Variants in EDAR observed in about 807,000 individuals in gnomAD.
EDAR encodes ectodysplasin A receptor, also known as tumor necrosis factor receptor superfamily member EDAR.
EDAR carries 38 observed loss-of-function variants against 51.3 expected under a neutral mutation model. That is an observed-to-expected ratio of 0.74 (90% CI 0.57 to 0.97). EDAR has a LOEUF of 0.97. EDAR is among the 50% of genes least tolerant of loss of function. EDAR has a pLI of 0.00. For missense variants in EDAR, 528 were observed against 595.0 expected (o/e 0.89, Z 1.17); for synonymous variants, 227 against 242.1 (o/e 0.94, Z 0.58).
intron 10 of EDAR, 86 bp downstream of exon 10, chr2:108,907,774 G>C (rs977325940): frequency 1.3e-6 from 2 of 1,506,126 alleles, no homozygotes; most frequent in African/African-American, 2.7e-5. Context: ...TCTTGCAGGA[G>C]AGCTGATTCA....
chr2:108,965,988 T>C (rs1698145127), intron 1 of EDAR, among the ~76,000 whole-genome samples: 2 of 152,198 alleles, frequency 1.3e-5, no homozygotes, highest in Non-Finnish European at 2.9e-5. Flanking sequence ...GCCTTGTCCC[T>C]CATCTTTGAG....
At chr2:108,972,954 T>A (rs1399559953) in intron 1 of EDAR, among the ~76,000 whole-genome samples, 1 of 152,190 alleles carries the variant, frequency 6.6e-6, no homozygotes, top group Admixed American at 6.5e-5. Flanking sequence ...TAGGAAGAGG[T>A]CTCAGCAGGT....
intron 4 of EDAR, among the ~76,000 whole-genome samples, chr2:108,926,839 G>T (rs1161311335): frequency 6.6e-6 from 1 of 152,354 alleles, no homozygotes; most frequent in East Asian, 1.9e-4. Context: ...CAGCCTGACA[G>T]CCACTTGGAT....
chr2:108,980,191 G>C (rs1285913658), intron 1 of EDAR, among the ~76,000 whole-genome samples: 1 of 152,138 alleles, frequency 6.6e-6, no homozygotes, highest in African/African-American at 2.4e-5. Context: ...AAGGTCTCCT[G>C]GTTGTTCTTT....
chr2:108,930,548 G>A (rs1406737015), intron 2 of EDAR, among the ~76,000 whole-genome samples: 1 of 152,146 alleles, frequency 6.6e-6, no homozygotes, highest in African/African-American at 2.4e-5. Flanking sequence ...CAAGGTCATG[G>A]AGGAGGCGCC....
chr2:108,970,388 A>T (rs1339905633), intron 1 of EDAR, among the ~76,000 whole-genome samples: 1 of 152,188 alleles, frequency 6.6e-6, no homozygotes, highest in Non-Finnish European at 1.5e-5. Context: ...AGAACCTGGG[A>T]GCCCAGAGTT....
At chr2:108,927,815 G>C (rs1343323503) in intron 4 of EDAR, among the ~76,000 whole-genome samples, 2 of 152,024 alleles carry the variant, frequency 1.3e-5, no homozygotes, top group African/African-American at 2.4e-5. Context: ...TCCCCACCAA[G>C]CACCCTCTTG....
intron 1 of EDAR, among the ~76,000 whole-genome samples, chr2:108,973,178 G>C (rs1698265241): frequency 1.3e-5 from 2 of 152,176 alleles, no homozygotes; most frequent in African/African-American, 4.8e-5. Flanking sequence ...AGTAGAGATG[G>C]GGTTTCACCA....
chr2:108,930,192 G>C lies in EDAR; in HGVS notation c.102C>G (p.Asn34Lys). The C allele has an allele frequency of 6.2e-7, 1 of 1,614,082 alleles. No homozygotes were observed. The highest frequency in any genetic ancestry group is 8.5e-7 in the Non-Finnish European group (1 of 1,180,024). Residue 34 changes from asparagine (N) to lysine (K), a missense_variant, in exon 3 of 12, where the codon AAC (asparagine) becomes AAG (lysine). Coordinates refer to ENST00000258443, the MANE Select transcript of EDAR (RefSeq NM_022336.4). Reference protein sequence around the residue: ...ARAEYSNCGENEYYNQTTGLC... With the variant: ...ARAEYSNCGEKEYYNQTTGLC... The stretch of plus-strand genomic sequence containing the variant: ...GCCCCGTAGTCTGGTTGTAGTACTC[G>C]TTCTCACCGCAGTTTGAGTATTCCG...
At chr2:108,960,169 C>G (rs1387595063) in intron 1 of EDAR, among the ~76,000 whole-genome samples, 5 of 152,188 alleles carry the variant, frequency 3.3e-5, no homozygotes, top group African/African-American at 9.7e-5. Flanking sequence ...CTGGCTCAGT[C>G]TGGCCTGGGT....
intron 1 of EDAR, among the ~76,000 whole-genome samples, chr2:108,980,993 C>T (rs1454744430): frequency 1.3e-5 from 2 of 152,048 alleles, no homozygotes; most frequent in Non-Finnish European, 2.9e-5. Flanking sequence ...GGAATGACTG[C>T]CAGGCAGAGG....
chr2:108,951,397 C>A (rs1047883949), intron 1 of EDAR, among the ~76,000 whole-genome samples: 1 of 152,164 alleles, frequency 6.6e-6, no homozygotes, highest in African/African-American at 2.4e-5. Context: ...CAAGGTCATA[C>A]AGGAATTCGA....
At chr2:108,907,607 C>T (rs1165265549) in intron 10 of EDAR, among the ~76,000 whole-genome samples, 1 of 151,876 alleles carries the variant, frequency 6.6e-6, no homozygotes, top group African/African-American at 2.4e-5. Flanking sequence ...GAGATCGCAC[C>T]ACTGCACTCC....
chr2:108,975,543 G>A (rs1298509091), intron 1 of EDAR, among the ~76,000 whole-genome samples: 1 of 152,306 alleles, frequency 6.6e-6, no homozygotes, highest in East Asian at 1.9e-4. Flanking sequence ...AGAAGAGGTG[G>A]GTGGGTGGAC....
intron 1 of EDAR, among the ~76,000 whole-genome samples, chr2:108,979,884 G>T (rs1265514054): frequency 6.6e-6 from 1 of 152,178 alleles, no homozygotes; most frequent in African/African-American, 2.4e-5. Flanking sequence ...CGGGTAGGGG[G>T]GACACCTGGC....
chr2:108,918,721 C>T (rs1034206818), intron 5 of EDAR, among the ~76,000 whole-genome samples: 14 of 152,306 alleles, frequency 9.2e-5, no homozygotes, highest in Admixed American at 3.9e-4. Flanking sequence ...GAGGGAGCTA[C>T]GCCTCCATTT....
chr2:108,906,798 C>A (rs144878993), intron 10 of EDAR, among the ~76,000 whole-genome samples: 1 of 152,224 alleles, frequency 6.6e-6, no homozygotes, highest in Admixed American at 6.5e-5. Context: ...TGAAGAGTCC[C>A]GGGGCCATGG....
chr2:108,978,526 C>T (rs1574415525), intron 1 of EDAR, among the ~76,000 whole-genome samples: 1 of 152,214 alleles, frequency 6.6e-6, no homozygotes, highest in African/African-American at 2.4e-5. Context: ...GCTTAGGGAA[C>T]ATGCAGATCC....
intron 1 of EDAR, among the ~76,000 whole-genome samples, chr2:108,975,823 C>T (rs894896629): frequency 1.3e-4 from 20 of 152,054 alleles, no homozygotes; most frequent in African/African-American, 3.9e-4. Context: ...TGAACGAGCT[C>T]GAGAAGTCAA....
Sources: gnomAD v4.1 joint callset for allele counts (sites outside exome capture counted in the v4.1 genomes callset) on GRCh38, gnomAD v4.1.1 for gene constraint, MANE v1.5 for transcripts, NCBI Gene and HGNC (gene_info 2026-07-23, HGNC 2026-07-21) for gene names.